OMP: variants seen among roughly 807,000 people sequenced by gnomAD.
OMP encodes olfactory marker protein.
In OMP, 6 loss-of-function variants were observed where a neutral mutation model predicts 12.0. The observed-to-expected ratio is 0.50, with a 90% CI of 0.27 to 0.99. The LOEUF (loss-of-function observed/expected upper bound fraction) is 0.99, where lower values mean the gene tolerates loss of function less well. OMP is among the 50% of genes least tolerant of loss of function. OMP has a pLI of 0.11. For missense variants in OMP, 237 were observed against 225.0 expected, an observed-to-expected ratio of 1.05 and a Z score of -0.34; for synonymous variants, 81 against 101.0, an observed-to-expected ratio of 0.80 and a Z score of 1.19.
In OMP at chr11:77,103,233, C is replaced by G; in HGVS notation, c.394C>G (p.Leu132Val). 6.2e-7 allele frequency: 1 copy of G among 1,613,704 alleles called. No homozygotes were observed. Reference protein sequence around the residue: ...ALEFGERLSDLAKIRKVMYFL... With the variant: ...ALEFGERLSDVAKIRKVMYFL... ...GGAGTTTGGGGAGCGCCTGTCGGAC[C>G]TGGCCAAGATCCGCAAGGTCATGTA... The change falls in exon 1 of 1, where the codon CTG (leucine) becomes GTG (valine). Residue 132 changes from leucine (L) to valine (V), a missense_variant. By Grantham distance (32) the Leu-to-Val change is conservative. Transcript: ENST00000529803.
At position 77,103,297 on chromosome 11, in the gene OMP, A is replaced by G. The variant is rs373329512; in HGVS notation, c.458A>G (p.Asn153Ser). The part of the protein sequence containing the change: ...VTFGEGVEPA[N>S]LKASVVFNQL ...TTTGGCGAGGGTGTGGAGCCCGCCA[A>G]CCTCAAGGCCTCCGTGGTTTTTAAC... The change falls in exon 1 of 1, where the codon AAC (asparagine) becomes AGC (serine). Residue 153 changes from asparagine (N) to serine (S), a missense_variant. Asn to Ser is a conservative substitution (Grantham distance 46). Transcript: ENST00000529803. 1 of 1,611,796 alleles carries G rather than the reference A, an allele frequency of 6.2e-7. No homozygotes were observed. The highest frequency in any genetic ancestry group is 8.5e-7 in the Non-Finnish European group (1 of 1,179,070).
In OMP at chr11:77,102,919, T is replaced by A; in HGVS notation, c.80T>A (p.Leu27Gln). ...LDQGLTRQMR[L>Q]RVESLKQRGE... is the part of the protein sequence containing the mutation. ...CAGGGCCTGACCAGGCAGATGCGGC[T>A]ACGCGTGGAGAGCCTGAAGCAGCGC... Residue 27 changes from leucine (L) to glutamine (Q), a missense_variant, in exon 1 of 1, where the codon CTA becomes CAA. Transcript: ENST00000529803. The A allele has an allele frequency of 6.2e-7, 1 of 1,612,892 alleles. No homozygotes were observed. The highest frequency in any genetic ancestry group is 1.1e-5 in the South Asian group (1 of 91,086).
In OMP at chr11:77,102,922, G is replaced by A. The variant is rs2233547; in HGVS notation, c.83G>A (p.Arg28His). The A allele has an allele frequency of 4.9e-4, 794 of 1,612,874 alleles. 2 individuals are homozygous for A. In the African/African-American group the frequency reaches 9.2e-3, roughly 19 times the overall value. ...GGCCTGACCAGGCAGATGCGGCTACGCGTGGAGAGCCTGAAGCAGCGCGGG... is the reference window on the plus strand; with the variant it reads ...GGCCTGACCAGGCAGATGCGGCTACACGTGGAGAGCCTGAAGCAGCGCGGG... ...DQGLTRQMRL[R>H]VESLKQRGEK... is the part of the protein sequence containing the mutation. Residue 28 changes from arginine to histidine, a missense_variant, in exon 1 of 1, where the codon CGC becomes CAC. By Grantham distance (29) the Arg-to-His change is conservative (BLOSUM62 0). Coordinates refer to ENST00000529803, the MANE Select transcript of OMP (RefSeq NM_006189.1).
At position 77,103,294 on chromosome 11, in the gene OMP, C is replaced by A. The variant is rs782633233; in HGVS notation, c.455C>A (p.Ala152Asp). The A allele has an allele frequency of 6.2e-7, 1 of 1,612,446 alleles. No individual in the cohort carries two copies. Among genetic ancestry groups the A allele is most frequent in the Non-Finnish European group, 8.5e-7 (1 of 1,179,456 alleles). Residue 152 changes from alanine to aspartate, a missense_variant, in exon 1 of 1, where the codon GCC becomes GAC. Transcript: ENST00000529803. ...LVTFGEGVEP[A>D]NLKASVVFNQ... The stretch of plus-strand genomic sequence containing the variant: ...ACCTTTGGCGAGGGTGTGGAGCCCG[C>A]CAACCTCAAGGCCTCCGTGGTTTTT...
In OMP at chr11:77,103,139, G is replaced by A. The variant is rs782260435; in HGVS notation, c.300G>A (p.Leu100=). The A allele has an allele frequency of 2.5e-6, 4 of 1,613,846 alleles. No homozygotes were observed. The East Asian group carries it at 8.9e-5, about 36-fold the overall frequency. Reference sequence around the variant, plus strand: ...CCAACCTCATGACACGCCAGCTGCTGGACCCCACTGCCATCTTCTGGCGCA... The same window carrying A: ...CCAACCTCATGACACGCCAGCTGCTAGACCCCACTGCCATCTTCTGGCGCA... ...DLTNLMTRQL[L]DPTAIFWRKE... Residue 100 remains leucine (L), a synonymous_variant, in exon 1 of 1, where the codon CTG becomes CTA. Transcript: ENST00000529803.
rs140475276 is a variant in OMP at position 77,103,080 on chromosome 11, A to C, written c.241A>C (p.Thr81Pro). Reference protein sequence around the residue: ...VLDKPGKVTITGTSQNWTPDL... With the variant: ...VLDKPGKVTIPGTSQNWTPDL... ...GGACAAGCCGGGCAAGGTCACCATC[A>C]CAGGCACCTCGCAGAACTGGACGCC... The change falls in exon 1 of 1, where the codon ACA (threonine) becomes CCA (proline). Residue 81 changes from threonine (T) to proline (P), a missense_variant. By Grantham distance (38) the Thr-to-Pro change is conservative. Transcript: ENST00000529803. The C allele has an allele frequency of 5.0e-6, 8 of 1,613,818 alleles. No individual in the cohort carries two copies. The African/African-American group carries it at 9.3e-5, about 19-fold the overall frequency.
Position 77,103,310 on chromosome 11 carries a change from C to T in OMP, c.471C>T (p.Ser157=), listed in dbSNP as rs2233550. 1.0e-3 allele frequency: 1,624 copies of T among 1,610,602 alleles called. 21 individuals are homozygous for T. In the African/African-American group the frequency reaches 0.019, roughly 19 times the overall value. ...EGVEPANLKA[S]VVFNQL is the part of the protein sequence containing the mutation. Reference sequence around the variant, plus strand: ...TGGAGCCCGCCAACCTCAAGGCCTCCGTGGTTTTTAACCAGCTCTGACAGC... The same window carrying T: ...TGGAGCCCGCCAACCTCAAGGCCTCTGTGGTTTTTAACCAGCTCTGACAGC... The change falls in exon 1 of 1, where the codon TCC becomes TCT. Residue 157 remains serine (S), a synonymous_variant. Coordinates refer to ENST00000529803, the MANE Select transcript of OMP (RefSeq NM_006189.1).
rs1404487089 is a variant in OMP at position 77,103,298 on chromosome 11, C to T, written c.459C>T (p.Asn153=). ...TTGGCGAGGGTGTGGAGCCCGCCAA[C>T]CTCAAGGCCTCCGTGGTTTTTAACC... ...VTFGEGVEPA[N]LKASVVFNQL Residue 153 remains asparagine, a synonymous_variant, in exon 1 of 1, where the codon AAC becomes AAT. Transcript: ENST00000529803. The T allele has an allele frequency of 1.2e-6, 2 of 1,611,644 alleles. No homozygotes were observed. Among genetic ancestry groups the T allele is most frequent in the Non-Finnish European group, 1.7e-6 (2 of 1,178,850 alleles).
chr11:77,102,918 C>T lies in OMP; in HGVS notation c.79C>T (p.Leu27=). 1.2e-6 allele frequency: 2 copies of T among 1,612,880 alleles called. No individual in the cohort carries two copies. Among genetic ancestry groups the T allele is most frequent in the Non-Finnish European group, 1.7e-6 (2 of 1,179,900 alleles). The part of the protein sequence containing the change: ...LDQGLTRQMR[L]RVESLKQRGE... ...CCAGGGCCTGACCAGGCAGATGCGGCTACGCGTGGAGAGCCTGAAGCAGCG... is the reference window on the plus strand; with the variant it reads ...CCAGGGCCTGACCAGGCAGATGCGGTTACGCGTGGAGAGCCTGAAGCAGCG... The change falls in exon 1 of 1, where the codon CTA becomes TTA. Residue 27 remains leucine, a synonymous_variant. Coordinates refer to ENST00000529803, the MANE Select transcript of OMP (RefSeq NM_006189.1).
Position 77,103,031 on chromosome 11 carries a change from G to C in OMP, c.192G>C (p.Gln64His). The C allele has an allele frequency of 1.2e-6, 2 of 1,613,610 alleles. No individual in the cohort carries two copies. Among genetic ancestry groups the C allele is most frequent in the Non-Finnish European group, 1.7e-6 (2 of 1,179,906 alleles). The change falls in exon 1 of 1, where the codon CAG becomes CAC. Residue 64 changes from glutamine (Q) to histidine (H), a missense_variant. By Grantham distance (24) the Gln-to-His change is conservative. Coordinates refer to ENST00000529803, the MANE Select transcript of OMP (RefSeq NM_006189.1). ...ACTTCACCCAGCAGCAGCGGCTACA[G>C]TTCGAGCGCTGGAATGTCGTGCTGG... ...RLNFTQQQRL[Q>H]FERWNVVLDK...
rs1165918313 is a variant in OMP at position 77,102,859 on chromosome 11, A to G, written c.20A>G (p.Gln7Arg). ...TGGGCCATGGCGGAGGACAGGCCGC[A>G]GCAGCCGCAGCTGGACATGCCGCTG... The part of the protein sequence containing the change: MAEDRP[Q>R]QPQLDMPLVL... The change falls in exon 1 of 1, where the codon CAG becomes CGG. Residue 7 changes from glutamine to arginine, a missense_variant. By Grantham distance (43) the Gln-to-Arg change is conservative. Transcript: ENST00000529803. 6.2e-7 allele frequency: 1 copy of G among 1,601,088 alleles called. No individual in the cohort carries two copies.
rs782518243 is a variant in OMP at position 77,103,202 on chromosome 11, C to T, written c.363C>T (p.Asp121=). The T allele has an allele frequency of 1.2e-5, 20 of 1,613,626 alleles. No individual in the cohort carries two copies. The highest frequency in any genetic ancestry group is 8.8e-5 in the South Asian group (8 of 91,086). ...ATGCCATAGATTGGAATGAGGCCGACGCCCTGGAGTTTGGGGAGCGCCTGT... is the reference window on the plus strand; with the variant it reads ...ATGCCATAGATTGGAATGAGGCCGATGCCCTGGAGTTTGGGGAGCGCCTGT... ...DSDAIDWNEA[D]ALEFGERLSD... The change falls in exon 1 of 1, where the codon GAC becomes GAT. Residue 121 remains aspartate, a synonymous_variant. Transcript: ENST00000529803.
Position 77,102,881 on chromosome 11 carries a change from G to A in OMP, c.42G>A (p.Pro14=), listed in dbSNP as rs376088397. ...DRPQQPQLDM[P]LVLDQGLTRQ... is the part of the protein sequence containing the mutation. The stretch of plus-strand genomic sequence containing the variant: ...CGCAGCAGCCGCAGCTGGACATGCC[G>A]CTGGTCCTGGACCAGGGCCTGACCA... The change falls in exon 1 of 1, where the codon CCG becomes CCA. Residue 14 remains proline, a synonymous_variant. Coordinates refer to ENST00000529803, the MANE Select transcript of OMP (RefSeq NM_006189.1). The A allele has an allele frequency of 8.9e-5, 144 of 1,609,508 alleles. No homozygotes were observed. Among genetic ancestry groups the A allele is most frequent in the Non-Finnish European group, 1.2e-4 (136 of 1,178,254 alleles).
chr11:77,103,039 G>A lies in OMP; in HGVS notation c.200G>A (p.Arg67His), dbSNP rs182826120. Reference protein sequence around the residue: ...FTQQQRLQFERWNVVLDKPGK... With the variant: ...FTQQQRLQFEHWNVVLDKPGK... The stretch of plus-strand genomic sequence containing the variant: ...CAGCAGCAGCGGCTACAGTTCGAGC[G>A]CTGGAATGTCGTGCTGGACAAGCCG... Residue 67 changes from arginine to histidine, a missense_variant, in exon 1 of 1, where the codon CGC becomes CAC. Physicochemically the swap from Arg to His is conservative, Grantham distance 29. Transcript: ENST00000529803. The A allele has an allele frequency of 1.7e-4, 273 of 1,613,604 alleles. 1 individual carries two copies. The African/African-American group carries it at 3.1e-3, about 18-fold the overall frequency.
In OMP at chr11:77,103,175, G is replaced by C; in HGVS notation, c.336G>C (p.Ser112=). 1.2e-6 allele frequency: 2 copies of C among 1,613,824 alleles called. No individual in the cohort carries two copies. The change falls in exon 1 of 1, where the codon TCG becomes TCC. Residue 112 remains serine, a synonymous_variant. Coordinates refer to ENST00000529803, the MANE Select transcript of OMP (RefSeq NM_006189.1). The part of the protein sequence containing the change: ...PTAIFWRKED[S]DAIDWNEADA... ...CCATCTTCTGGCGCAAGGAGGACTC[G>C]GATGCCATAGATTGGAATGAGGCCG...
At position 77,102,867 on chromosome 11, in the gene OMP, C is replaced by A; in HGVS notation, c.28C>A (p.Gln10Lys). The A allele has an allele frequency of 6.2e-7, 1 of 1,607,216 alleles. No individual in the cohort carries two copies. Among genetic ancestry groups the A allele is most frequent in the Non-Finnish European group, 8.5e-7 (1 of 1,177,872 alleles). The part of the protein sequence containing the change: MAEDRPQQP[Q>K]LDMPLVLDQG... ...GGCGGAGGACAGGCCGCAGCAGCCG[C>A]AGCTGGACATGCCGCTGGTCCTGGA... is the stretch of plus-strand genomic sequence containing the variant. The change falls in exon 1 of 1, where the codon CAG (glutamine) becomes AAG (lysine). Residue 10 changes from glutamine to lysine, a missense_variant. Transcript: ENST00000529803.
In OMP at chr11:77,103,183, T is replaced by G; in HGVS notation, c.344T>G (p.Ile115Arg). Residue 115 changes from isoleucine (I) to arginine (R), a missense_variant, in exon 1 of 1, where the codon ATA becomes AGA. Ile to Arg is a moderately conservative substitution (Grantham distance 97). Transcript: ENST00000529803. ...TGGCGCAAGGAGGACTCGGATGCCA[T>G]AGATTGGAATGAGGCCGACGCCCTG... ...IFWRKEDSDA[I>R]DWNEADALEF... 1 of 1,613,722 alleles carries G rather than the reference T, an allele frequency of 6.2e-7. No homozygotes were observed. Among genetic ancestry groups the G allele is most frequent in the Non-Finnish European group, 8.5e-7 (1 of 1,179,864 alleles).
At position 77,103,130 on chromosome 11, in the gene OMP, C is replaced by T. The variant is rs1472769422; in HGVS notation, c.291C>T (p.Arg97=). The part of the protein sequence containing the change: ...WTPDLTNLMT[R]QLLDPTAIFW... The stretch of plus-strand genomic sequence containing the variant: ...CTGACCTCACCAACCTCATGACACG[C>T]CAGCTGCTGGACCCCACTGCCATCT... The change falls in exon 1 of 1, where the codon CGC becomes CGT. Residue 97 remains arginine, a synonymous_variant. Coordinates refer to ENST00000529803, the MANE Select transcript of OMP (RefSeq NM_006189.1). 3.1e-6 allele frequency: 5 copies of T among 1,613,764 alleles called. No individual in the cohort carries two copies. The highest frequency in any genetic ancestry group is 4.2e-6 in the Non-Finnish European group (5 of 1,179,892).
In OMP at chr11:77,103,222, G is replaced by A. The variant is rs112948638; in HGVS notation, c.383G>A (p.Arg128His). 2.0e-3 allele frequency: 3,237 copies of A among 1,613,660 alleles called. 66 individuals are homozygous for A. In the African/African-American group the frequency reaches 0.037, roughly 18 times the overall value. The change falls in exon 1 of 1, where the codon CGC becomes CAC. Residue 128 changes from arginine to histidine, a missense_variant. Transcript: ENST00000529803. ...GCCGACGCCCTGGAGTTTGGGGAGC[G>A]CCTGTCGGACCTGGCCAAGATCCGC... The part of the protein sequence containing the change: ...NEADALEFGE[R>H]LSDLAKIRKV...
Sources: allele counts gnomAD v4.1 joint callset, GRCh38; gene constraint gnomAD v4.1.1; transcripts MANE v1.5; gene names NCBI Gene and HGNC (gene_info 2026-07-23, HGNC 2026-07-21).